GRID2: variants seen among roughly 807,000 people sequenced by gnomAD.
GRID2 encodes glutamate receptor ionotropic, delta-2.
In GRID2, 33 loss-of-function variants were observed where a neutral mutation model predicts 114.8. That is an observed-to-expected ratio of 0.29 (90% CI 0.22 to 0.38). The LOEUF is 0.38. Ranked by LOEUF, GRID2 falls within the 10% of genes least tolerant of loss-of-function variation. GRID2 has a pLI of 1.00. For synonymous variants in GRID2, 505 were observed against 449.9 expected (o/e 1.12, Z -1.55); for missense variants, 1,184 against 1,257.7 (o/e 0.94, Z 0.89).
At chr4:93,588,282 T>G (rs1737744168) in intron 13 of GRID2, among the ~76,000 whole-genome samples, 1 of 152,006 alleles carries the variant, frequency 6.6e-6, no homozygotes, top group Non-Finnish European at 1.5e-5. Context: ...TAAAGAACAT[T>G]TATAAAACAA....
intron 1 of GRID2, among the ~76,000 whole-genome samples, chr4:92,566,317 G>C (rs1270118815): frequency 6.6e-6 from 1 of 151,756 alleles, no homozygotes; most frequent in Admixed American, 6.6e-5. Flanking sequence ...TGATGCCCCA[G>C]AGTCATTATT....
At chr4:92,621,012 G>T (rs202019467) in intron 2 of GRID2, among the ~76,000 whole-genome samples, 14 of 120,972 alleles carry the variant, frequency 1.2e-4, no homozygotes, top group South Asian at 5.4e-4. Flanking sequence ...AAAAAAAAAA[G>T]AATTTTAACC....
intron 1 of GRID2, among the ~76,000 whole-genome samples, chr4:92,485,393 C>A (rs537419180): frequency 2.3e-5 from 3 of 130,788 alleles, no homozygotes; most frequent in Admixed American, 8.4e-5. Context: ...GTATATAATT[C>A]AGGACCATTA....
chr4:92,949,766 ACTGAT>A (rs1431451763), intron 2 of GRID2, among the ~76,000 whole-genome samples: 1 of 151,786 alleles, frequency 6.6e-6, no homozygotes, highest in East Asian at 1.9e-4. Flanking sequence ...TTGAAACTGA[ACTGAT>A]GTTAGTGTAG....
intron 10 of GRID2, among the ~76,000 whole-genome samples, chr4:93,447,431 T>A (rs1722192873): frequency 6.6e-6 from 1 of 151,986 alleles, no homozygotes; most frequent in South Asian, 2.1e-4. Flanking sequence ...GCCTTGGGCA[T>A]GTCTGGTTTT....
chr4:92,434,075 T>A (rs1378813511), intron 1 of GRID2, among the ~76,000 whole-genome samples: 2 of 152,228 alleles, frequency 1.3e-5, no homozygotes, highest in Admixed American at 6.5e-5. Context: ...AACCAGTTAT[T>A]CTTTGAGATA....
intron 2 of GRID2, among the ~76,000 whole-genome samples, chr4:93,019,393 G>A (rs1723065650): frequency 6.6e-6 from 1 of 151,946 alleles, no homozygotes; most frequent in Non-Finnish European, 1.5e-5. Context: ...ATATTCTTGG[G>A]GCCTGAAGTT....
intron 10 of GRID2, among the ~76,000 whole-genome samples, chr4:93,451,645 A>T (rs936768101): frequency 6.6e-6 from 1 of 152,096 alleles, no homozygotes; most frequent in South Asian, 2.1e-4. Context: ...CTTTGGCTAC[A>T]ATAGGGAGAC....
At chr4:92,797,715 G>T (rs1739959221) in intron 2 of GRID2, among the ~76,000 whole-genome samples, 1 of 151,490 alleles carries the variant, frequency 6.6e-6, no homozygotes, top group Non-Finnish European at 1.5e-5. Flanking sequence ...TATGCTACAT[G>T]GTTCATCTGC....
chr4:92,939,825 C>A (rs1335064328), intron 2 of GRID2, among the ~76,000 whole-genome samples: 1 of 147,250 alleles, frequency 6.8e-6, no homozygotes, highest in Non-Finnish European at 1.5e-5. Flanking sequence ...AATAGGGAAT[C>A]CTTTCCTCAT....
intron 2 of GRID2, among the ~76,000 whole-genome samples, chr4:92,650,812 G>A (rs967403074): frequency 2.6e-5 from 4 of 151,806 alleles, no homozygotes; most frequent in Non-Finnish European, 5.9e-5. Context: ...CATAAATCCT[G>A]GCTATCAGAG....
At chr4:92,971,621 C>T (rs1377522752) in intron 2 of GRID2, among the ~76,000 whole-genome samples, 2 of 151,978 alleles carry the variant, frequency 1.3e-5, no homozygotes, top group East Asian at 3.9e-4. Context: ...TGCAGTGCTA[C>T]AGAACACTTG....
intron 10 of GRID2, among the ~76,000 whole-genome samples, chr4:93,442,221 C>G (rs1036964433): frequency 4.6e-5 from 7 of 151,932 alleles, no homozygotes; most frequent in Non-Finnish European, 1.0e-4. Context: ...GTTCTTTTAT[C>G]CTTGATTTGC....
intron 8 of GRID2, among the ~76,000 whole-genome samples, chr4:93,261,092 A>G (rs1440527454): frequency 6.6e-6 from 1 of 151,786 alleles, no homozygotes; most frequent in Non-Finnish European, 1.5e-5. Context: ...CCTATAATGA[A>G]TCAACAAACA....
chr4:93,182,116 A>G (rs191198121), intron 4 of GRID2, among the ~76,000 whole-genome samples: 7 of 152,256 alleles, frequency 4.6e-5, no homozygotes, highest in Admixed American at 4.6e-4. Context: ...TCAATGTAAA[A>G]ATTACATTTT....
At chr4:93,604,675 A>C (rs963625397) in intron 13 of GRID2, among the ~76,000 whole-genome samples, 1 of 152,170 alleles carries the variant, frequency 6.6e-6, no homozygotes, top group African/African-American at 2.4e-5. Context: ...TAATTGTCTT[A>C]TTTTTAAAAA....
intron 8 of GRID2, among the ~76,000 whole-genome samples, chr4:93,332,325 A>AGAGAGAGAGAGAGAGAG (rs370701996): frequency 7.0e-6 from 1 of 142,074 alleles, no homozygotes; most frequent in African/African-American, 2.6e-5. Flanking sequence ...AGAGAGAGAG[A>AGAGAGAGAGAGAGAGAG]ACTGGGAATG....
At chr4:93,670,189 C>A in intron 14 of GRID2, among the ~76,000 whole-genome samples, 1 of 152,190 alleles carries the variant, frequency 6.6e-6, no homozygotes, top group East Asian at 1.9e-4. Context: ...TTTATTGGAA[C>A]GAATGATAAT....
At position 92,536,564 on chromosome 4, in the gene GRID2, C is replaced by G. The variant is rs147638009; in HGVS notation, c.89-53567C>G. ...GAAGATGAAATAAAAATGATTTACA[C>G]AAAACTTTAATAAGATTGTTATTTT... is the stretch of plus-strand genomic sequence containing the variant. On this transcript the variant is annotated intron_variant, in intron 1 of 15. Transcript: ENST00000282020. Among the ~76,000 whole-genome samples, 176 of 152,246 alleles carry G rather than the reference C, an allele frequency of 1.2e-3. 2 individuals carry two copies. Among genetic ancestry groups the G allele is most frequent in the African/African-American group, 4.1e-3 (170 of 41,538 alleles).
Sources: gnomAD v4.1 joint callset for allele counts (sites outside exome capture counted in the v4.1 genomes callset) on GRCh38, gnomAD v4.1.1 for gene constraint, MANE v1.5 for transcripts, NCBI Gene and HGNC (gene_info 2026-07-23, HGNC 2026-07-21) for gene names.